SLC22A25: variants seen among roughly 807,000 people sequenced by gnomAD.
SLC22A25 encodes solute carrier family 22 member 25.
A neutral mutation model predicts 45.9 loss-of-function variants in SLC22A25; 44 were observed. That is an observed-to-expected ratio of 0.96 (90% CI 0.75 to 1.23). The LOEUF (loss-of-function observed/expected upper bound fraction) is 1.23, where lower values mean the gene tolerates loss of function less well. Among genes scored for constraint, SLC22A25 ranks in the 50% most tolerant of loss-of-function variants. SLC22A25 has a pLI of 0.00. For synonymous variants in SLC22A25, 283 were observed against 238.6 expected (o/e 1.19, Z -1.72); for missense variants, 800 against 666.4 (o/e 1.20, Z -2.21).
intron 1 of SLC22A25, chr11:63,242,936 C>G (rs74679359): frequency 1.1e-4 from 17 of 154,440 alleles, no homozygotes; most frequent in African/African-American, 3.9e-4. Context: ...TCTGTCTCTG[C>G]CCTCACCTCT....
At chr11:63,204,242 G>A (rs1340313130) in intron 7 of SLC22A25, among the ~76,000 whole-genome samples, 5 of 152,004 alleles carry the variant, frequency 3.3e-5, no homozygotes, top group Admixed American at 2.0e-4. Context: ...ATGAAGAAAC[G>A]GCATCAACTA....
rs751550699 is a variant in SLC22A25 at position 63,183,693 on chromosome 11, C to A, written c.954+1G>T. 4 of 1,612,700 alleles carry A rather than the reference C, an allele frequency of 2.5e-6. No individual in the cohort carries two copies. The South Asian group carries it at 3.3e-5, about 13-fold the overall frequency. ...CCATATCCAGCTCCCGTCTTGCTTA[C>A]CTCCATGGTTAGGATGTCTTCAGCA... On this transcript the variant is annotated splice_donor_variant, in intron 8 of 11. Coordinates refer to ENST00000306494, the MANE Select transcript of SLC22A25 (RefSeq NM_199352.6). LOFTEE classifies it high-confidence loss of function.
intron 7 of SLC22A25, among the ~76,000 whole-genome samples, chr11:63,209,224 A>G (rs1439577805): frequency 2.0e-5 from 3 of 152,054 alleles, no homozygotes; most frequent in Non-Finnish European, 2.9e-5. Context: ...AACTAGCCCC[A>G]ATTGTTTACA....
chr11:63,198,513 C>A (rs978793610), intron 7 of SLC22A25, among the ~76,000 whole-genome samples: 1 of 151,980 alleles, frequency 6.6e-6, no homozygotes, highest in African/African-American at 2.4e-5. Context: ...AGGTGGTAAT[C>A]GAACAATGAG....
rs115276438 is a variant in SLC22A25, at chr11:63,173,639, T to C, written c.1070+7021A>G. Among the ~76,000 whole-genome samples, 516 of 152,252 alleles carry C rather than the reference T, an allele frequency of 3.4e-3. 2 individuals carry two copies. Among genetic ancestry groups the C allele is most frequent in the African/African-American group, 0.012 (494 of 41,558 alleles). ...TTGGGTTTGTGACTTTCCCAGTGCT[T>C]CTTGTAAGTGTACAATTCAGGCATT... On this transcript the variant is annotated intron_variant, in intron 9 of 11. Transcript: ENST00000306494.
intron 9 of SLC22A25, among the ~76,000 whole-genome samples, chr11:63,177,864 A>ATTAT (rs373414293): frequency 3.2e-5 from 1 of 31,080 alleles, no homozygotes; most frequent in Non-Finnish European, 7.3e-5. Context: ...GTATATATAT[A>ATTAT]ATATATATAA....
At chr11:63,207,456 A>G (rs1423498291) in intron 7 of SLC22A25, among the ~76,000 whole-genome samples, 1 of 152,256 alleles carries the variant, frequency 6.6e-6, no homozygotes, top group East Asian at 1.9e-4. Context: ...TGGGTAAAGG[A>G]TATGACCAGA....
At chr11:63,172,088 C>G (rs2087908642) in intron 9 of SLC22A25, among the ~76,000 whole-genome samples, 1 of 152,074 alleles carries the variant, frequency 6.6e-6, no homozygotes, top group African/African-American at 2.4e-5. Flanking sequence ...AACTGGCTAG[C>G]CATATGCAGA....
chr11:63,237,137 C>T (rs1365627935), intron 3 of SLC22A25, among the ~76,000 whole-genome samples: 1 of 152,106 alleles, frequency 6.6e-6, no homozygotes. Context: ...CGGAGCTAAA[C>T]ATTGAGCACA....
In SLC22A25 at chr11:63,192,032, C is replaced by T. The variant is rs1590831889; in HGVS notation, c.831-8215G>A. On this transcript the variant is annotated intron_variant, in intron 7 of 11. Coordinates refer to ENST00000306494, the MANE Select transcript of SLC22A25 (RefSeq NM_199352.6). ...GATCATCTTCAAAACACATAATATTCAGGTTCTCCAAGGTTGAAATGATGA... is the reference window on the plus strand; with the variant it reads ...GATCATCTTCAAAACACATAATATTTAGGTTCTCCAAGGTTGAAATGATGA... Among the ~76,000 whole-genome samples, 3 of 152,108 alleles carry T rather than the reference C, an allele frequency of 2.0e-5. No homozygotes were observed. In the East Asian group the frequency reaches 5.8e-4, roughly 29 times the overall value.
At chr11:63,171,184 GACAAACCC>G (rs1387338753) in intron 9 of SLC22A25, among the ~76,000 whole-genome samples, 1 of 152,120 alleles carries the variant, frequency 6.6e-6, no homozygotes, top group Non-Finnish European at 1.5e-5. Flanking sequence ...AGCTATTTAT[GACAAACCC>G]ATAGCCAATA....
chr11:63,164,561 A>G lies in SLC22A25; in HGVS notation c.1359T>C (p.Thr453=). 6.2e-7 allele frequency: 1 copy of G among 1,613,880 alleles called. No homozygotes were observed. Among genetic ancestry groups the G allele is most frequent in the Non-Finnish European group, 8.5e-7 (1 of 1,179,824 alleles). ...GAASLGITCS[T]AQENELIPSI... is the part of the protein sequence containing the mutation. Reference sequence around the variant, plus strand: ...AAGGAATTAGTTCATTTTCTTGGGCAGTAGAACAGGTAATGCCAAGAGAAG... The same window carrying G: ...AAGGAATTAGTTCATTTTCTTGGGCGGTAGAACAGGTAATGCCAAGAGAAG... Residue 453 remains threonine (T), a synonymous_variant, in exon 11 of 12, where the codon ACT becomes ACC. Coordinates refer to ENST00000306494, the MANE Select transcript of SLC22A25 (RefSeq NM_199352.6).
intron 7 of SLC22A25, among the ~76,000 whole-genome samples, chr11:63,184,557 C>A (rs968196578): frequency 6.6e-6 from 1 of 152,128 alleles, no homozygotes; most frequent in African/African-American, 2.4e-5. Flanking sequence ...GAGCACAGGA[C>A]AAGATGTAAA....
At chr11:63,208,609 A>G (rs974483283) in intron 7 of SLC22A25, among the ~76,000 whole-genome samples, 2 of 152,138 alleles carry the variant, frequency 1.3e-5, no homozygotes, top group Non-Finnish European at 2.9e-5. Flanking sequence ...CACCTGGGAC[A>G]TGAGAGAGGC....
At chr11:63,206,590 G>A (rs767742141) in intron 7 of SLC22A25, among the ~76,000 whole-genome samples, 3 of 152,210 alleles carry the variant, frequency 2.0e-5, no homozygotes, top group Non-Finnish European at 4.4e-5. Flanking sequence ...GGATGTGAAG[G>A]ATGTCTTCAA....
intron 5 of SLC22A25, among the ~76,000 whole-genome samples, chr11:63,221,972 C>G (rs1450291703): frequency 6.6e-6 from 1 of 152,064 alleles, no homozygotes; most frequent in African/African-American, 2.4e-5. Context: ...ATTCTCCATT[C>G]TGTTCCATTG....
intron 3 of SLC22A25, among the ~76,000 whole-genome samples, chr11:63,235,819 T>C (rs1043602941): frequency 2.0e-5 from 3 of 152,220 alleles, no homozygotes; most frequent in Admixed American, 1.3e-4. Flanking sequence ...AGATGGGTTT[T>C]TGGTGTGGAT....
chr11:63,184,019 G>T (rs1211546927), intron 7 of SLC22A25, among the ~76,000 whole-genome samples: 1 of 152,042 alleles, frequency 6.6e-6, no homozygotes, highest in Non-Finnish European at 1.5e-5. Context: ...TTCACTGTTG[G>T]GATAAACACT....
intron 7 of SLC22A25, among the ~76,000 whole-genome samples, chr11:63,191,955 A>G (rs568102857): frequency 1.3e-5 from 2 of 151,358 alleles, no homozygotes; most frequent in South Asian, 2.1e-4. Flanking sequence ...AAACATTCAA[A>G]TTCAGGAAAT....
Sources: allele counts gnomAD v4.1 joint callset (sites outside exome capture counted in the v4.1 genomes callset), GRCh38; gene constraint gnomAD v4.1.1; transcripts MANE v1.5; gene names NCBI Gene and HGNC (gene_info 2026-07-23, HGNC 2026-07-21).